EML6: variants seen among roughly 807,000 people sequenced by gnomAD.
EML6 encodes the protein echinoderm microtubule-associated protein-like 6.
EML6 carries 154 observed loss-of-function variants against 240.1 expected under a neutral mutation model. That is an observed-to-expected ratio of 0.64 (90% CI 0.56 to 0.73). EML6 has a LOEUF of 0.73. EML6 is among the 30% of genes least tolerant of loss of function. The pLI, the probability that EML6 is intolerant of heterozygous loss-of-function variation, is 0.00. For synonymous variants in EML6, 1,148 were observed against 899.0 expected, an observed-to-expected ratio of 1.28 and a Z score of -4.95; for missense variants, 2,964 against 2,474.6, an observed-to-expected ratio of 1.20 and a Z score of -4.20.
chr2:54,960,099 T>C, intron 34 of EML6, 121 bp from the exon 35 acceptor site: 1 of 737,910 alleles, frequency 1.4e-6, no homozygotes, highest in Non-Finnish European at 2.3e-6. Flanking sequence ...CTGGAGGGTC[T>C]TTCCTTCTGG....
At chr2:54,787,696 G>A (rs540225214) in intron 2 of EML6, among the ~76,000 whole-genome samples, 2 of 152,278 alleles carry the variant, frequency 1.3e-5, no homozygotes, top group East Asian at 1.9e-4. Flanking sequence ...CTTGGGAGTC[G>A]TGTCTGGAGA....
At chr2:54,845,010 C>T (rs1284566797) in intron 8 of EML6, among the ~76,000 whole-genome samples, 2 of 152,136 alleles carry the variant, frequency 1.3e-5, no homozygotes, top group African/African-American at 2.4e-5. Flanking sequence ...GTGAGAGGAA[C>T]AGACTGATCA....
chr2:54,727,190 A>AGCTAT (rs1434747440), intron 2 of EML6, among the ~76,000 whole-genome samples: 4 of 151,102 alleles, frequency 2.6e-5, no homozygotes, highest in Admixed American at 1.3e-4. Context: ...AGGGAAAAAG[A>AGCTAT]GACAGTTAGC....
intron 21 of EML6, among the ~76,000 whole-genome samples, chr2:54,899,123 C>T (rs768418888): frequency 4.6e-5 from 7 of 152,056 alleles, no homozygotes; most frequent in African/African-American, 1.4e-4. Flanking sequence ...TCTGCTCTGC[C>T]GAATGCTACA....
Position 54,961,184 on chromosome 2 carries a change from G to GTTGTTTT in EML6, c.4968+852_4968+853insGTTTTTT. Among the ~76,000 whole-genome samples, 96 of 55,414 alleles carry GTTGTTTT rather than the reference G, an allele frequency of 1.7e-3. 32 individuals are homozygous for GTTGTTTT. Among genetic ancestry groups the GTTGTTTT allele is most frequent in the East Asian group, 5.1e-3 (8 of 1,570 alleles). The allele number at this position is 55,414 out of a possible 152,430, so 36.4% of individuals were successfully genotyped here. A position where few individuals can be genotyped will look rare whatever the true frequency, so the allele number is the denominator to read the frequency against. Reference sequence around the variant, plus strand: ...GGAGCCTGGAAGTTATCAGGAAGTAGTTTTTTTTTTTTTTTTTTTGAGACG... The same window carrying GTTGTTTT: ...GGAGCCTGGAAGTTATCAGGAAGTAGTTGTTTTTTTTTTTTTTTTTTTTTTTGAGACG... On this transcript the variant is annotated intron_variant, in intron 35 of 41. Coordinates refer to ENST00000356458, the MANE Select transcript of EML6 (RefSeq NM_001039753.4).
chr2:54,799,100 T>C (rs1431404591), intron 2 of EML6, among the ~76,000 whole-genome samples: 1 of 152,084 alleles, frequency 6.6e-6, no homozygotes, highest in Non-Finnish European at 1.5e-5. Flanking sequence ...TTGTTCTGTC[T>C]CCCAGGCTGG....
rs545131001 is a variant in EML6, at chr2:54,895,197, G to C, written c.2855-76G>C. 22 of 1,483,448 alleles carry C rather than the reference G, an allele frequency of 1.5e-5. No individual in the cohort carries two copies. The African/African-American group carries it at 2.2e-4, about 15-fold the overall frequency. The allele number at this position is 1,483,448 out of a possible 1,614,324, so 91.9% of individuals were successfully genotyped here. A position where few individuals can be genotyped will look rare whatever the true frequency, so the allele number is the denominator to read the frequency against. On this transcript the variant is annotated intron_variant, in intron 20 of 41. Transcript: ENST00000356458. The stretch of plus-strand genomic sequence containing the variant: ...TGACTGCCTAGTACCTAGTTCTTTG[G>C]AGCTATAAAAATTGAATTTATACTA...
intron 7 of EML6, among the ~76,000 whole-genome samples, chr2:54,830,698 A>C (rs894930189): frequency 6.6e-6 from 1 of 152,212 alleles, no homozygotes; most frequent in African/African-American, 2.4e-5. Context: ...CCATCCTTAA[A>C]TAGTGTTGTT....
intron 26 of EML6, among the ~76,000 whole-genome samples, chr2:54,927,972 G>A (rs985594452): frequency 6.6e-6 from 1 of 152,222 alleles, no homozygotes; most frequent in Non-Finnish European, 1.5e-5. Context: ...CAGACTCACA[G>A]TCAGGAGTTT....
At chr2:54,868,264 A>G (rs949493471) in intron 14 of EML6, 7 of 152,172 alleles carry the variant, frequency 4.6e-5, no homozygotes, top group Admixed American at 3.3e-4. Context: ...TATTTGAATT[A>G]TAGTTATTAG....
chr2:54,892,694 C>G, intron 19 of EML6, 38 bp downstream of exon 19: 1 of 1,495,262 alleles, frequency 6.7e-7, no homozygotes, highest in Non-Finnish European at 9.1e-7. Flanking sequence ...TCCTCATCAG[C>G]CTTCTAAAAT....
At chr2:54,892,326 T>G in intron 18 of EML6, 128 bp from the exon 19 acceptor site, 1 of 638,320 alleles carries the variant, frequency 1.6e-6, no homozygotes, top group Non-Finnish European at 2.8e-6. Context: ...ATGTTCTCTG[T>G]CACTTTTAGA....
At chr2:54,780,124 A>C (rs1023923836) in intron 2 of EML6, among the ~76,000 whole-genome samples, 1 of 152,148 alleles carries the variant, frequency 6.6e-6, no homozygotes, top group African/African-American at 2.4e-5. Flanking sequence ...TAACACATGC[A>C]TTTAGCCAAC....
intron 17 of EML6, chr2:54,880,510 T>A (rs190309983): frequency 6.6e-6 from 1 of 152,202 alleles, no homozygotes; most frequent in African/African-American, 2.4e-5. Flanking sequence ...GAATGAAGAT[T>A]TATAAATTGC....
At chr2:54,951,241 A>G (rs1177757008) in intron 30 of EML6, among the ~76,000 whole-genome samples, 1 of 152,234 alleles carries the variant, frequency 6.6e-6, no homozygotes, top group Non-Finnish European at 1.5e-5. Flanking sequence ...AACAATAAAC[A>G]AAAATACCAG....
At chr2:54,788,881 A>G (rs77493445) in intron 2 of EML6, among the ~76,000 whole-genome samples, 3,219 of 152,296 alleles carry the variant, frequency 0.021, 41 homozygotes, top group Non-Finnish European at 0.033. Flanking sequence ...ATGGAAAGTC[A>G]TTTCTGACTG....
chr2:54,903,452 T>A lies in EML6; in HGVS notation c.3359T>A (p.Ile1120Asn). The A allele has an allele frequency of 6.4e-7, 1 of 1,551,844 alleles. No individual in the cohort carries two copies. Among genetic ancestry groups the A allele is most frequent in the African/African-American group, 1.4e-5 (1 of 73,166 alleles). ...GTACTTACAAGCAAAAGGGTTGGCA[T>A]CTGTAAAGGTGCTTCTAGTTATATT... ...YNVLTSKRVGICKGASSYITH... is the reference protein window; with the variant it reads ...YNVLTSKRVGNCKGASSYITH... The change falls in exon 24 of 42, where the codon ATC becomes AAC. Residue 1120 changes from isoleucine to asparagine, a missense_variant. Physicochemically the swap from Ile to Asn is moderately radical, Grantham distance 149. Coordinates refer to ENST00000356458, the MANE Select transcript of EML6 (RefSeq NM_001039753.4).
At chr2:54,848,464 G>A (rs1184302770) in intron 9 of EML6, among the ~76,000 whole-genome samples, 3 of 150,926 alleles carry the variant, frequency 2.0e-5, no homozygotes, top group East Asian at 2.0e-4. Context: ...GCTTAGTGAC[G>A]TGTGAAAAGA....
chr2:54,963,354 T>G (rs989596084), intron 36 of EML6, among the ~76,000 whole-genome samples: 1 of 152,234 alleles, frequency 6.6e-6, no homozygotes. Context: ...TTAAACATTA[T>G]TAGCAACAGC....
Sources: allele counts gnomAD v4.1 joint callset (sites outside exome capture counted in the v4.1 genomes callset), GRCh38; gene constraint gnomAD v4.1.1; transcripts MANE v1.5; gene names NCBI Gene and HGNC (gene_info 2026-07-23, HGNC 2026-07-21).